GPC6: variants seen among roughly 807,000 people sequenced by gnomAD.
GPC6 encodes glypican 6.
A neutral mutation model predicts 55.2 loss-of-function variants in GPC6; 14 were observed. The ratio of observed to expected loss-of-function variants is 0.25; its 90% CI spans 0.17 to 0.40. The LOEUF is 0.40. GPC6 is among the 10% of genes least tolerant of loss of function. The pLI is 1.00. For missense variants in GPC6, 641 were observed against 708.5 expected (o/e 0.90, Z 1.08); for synonymous variants, 278 against 259.6 (o/e 1.07, Z -0.68).
intron 2 of GPC6, among the ~76,000 whole-genome samples, chr13:93,741,777 T>G (rs1884211216): frequency 6.6e-6 from 1 of 152,180 alleles, no homozygotes; most frequent in South Asian, 2.1e-4. Context: ...TAAATAGTGT[T>G]AGCATGACCT....
chr13:93,550,682 A>G (rs1459691086), intron 2 of GPC6, among the ~76,000 whole-genome samples: 1 of 152,092 alleles, frequency 6.6e-6, no homozygotes, highest in Admixed American at 6.6e-5. Context: ...TTTTTAATAT[A>G]TGGCCTAATT....
chr13:94,003,480 G>T (rs1194867076), intron 3 of GPC6, among the ~76,000 whole-genome samples: 1 of 152,144 alleles, frequency 6.6e-6, no homozygotes, highest in Non-Finnish European at 1.5e-5. Flanking sequence ...AGGTGTCTTT[G>T]ATTGGGATAA....
At chr13:93,726,528 G>A (rs184089884) in intron 2 of GPC6, among the ~76,000 whole-genome samples, 15 of 152,184 alleles carry the variant, frequency 9.9e-5, no homozygotes, top group Admixed American at 4.6e-4. Context: ...GGGTATGTCA[G>A]AGAAAATTTC....
intron 1 of GPC6, among the ~76,000 whole-genome samples, chr13:93,367,091 C>A (rs1456331132): frequency 6.6e-6 from 1 of 151,990 alleles, no homozygotes; most frequent in East Asian, 1.9e-4. Flanking sequence ...TTTATCATCA[C>A]CAAAAAACAT....
intron 2 of GPC6, among the ~76,000 whole-genome samples, chr13:93,656,607 C>A (rs886571117): frequency 9.9e-5 from 15 of 152,090 alleles, no homozygotes; most frequent in African/African-American, 3.4e-4. Flanking sequence ...TTACAAATCA[C>A]ATTGACTTAC....
At chr13:93,886,573 G>T (rs989169554) in intron 3 of GPC6, among the ~76,000 whole-genome samples, 1 of 151,928 alleles carries the variant, frequency 6.6e-6, no homozygotes, top group Admixed American at 6.6e-5. Context: ...CTCTTGTTCT[G>T]AATGATGGCT....
intron 4 of GPC6, among the ~76,000 whole-genome samples, chr13:94,277,549 T>G (rs546738860): frequency 2.6e-5 from 4 of 152,194 alleles, no homozygotes; most frequent in African/African-American, 9.6e-5. Flanking sequence ...TCTTCGGGGG[T>G]TTTTATAGTT....
At chr13:94,380,356 A>G (rs9524469) in intron 6 of GPC6, among the ~76,000 whole-genome samples, 9,330 of 152,264 alleles carry the variant, frequency 0.061, 388 homozygotes, top group Non-Finnish European at 0.092. Context: ...CACGCCTTTA[A>G]TGGAGGTTAG....
chr13:94,208,088 G>T (rs1728383204), intron 4 of GPC6, among the ~76,000 whole-genome samples: 1 of 152,120 alleles, frequency 6.6e-6, no homozygotes, highest in Non-Finnish European at 1.5e-5. Flanking sequence ...ATTACTAGGA[G>T]GACATTCATT....
intron 3 of GPC6, among the ~76,000 whole-genome samples, chr13:93,860,701 A>G (rs1888781707): frequency 6.6e-6 from 1 of 151,650 alleles, no homozygotes; most frequent in South Asian, 2.1e-4. Context: ...GGCATTCCAC[A>G]TTAACTTGTG....
At chr13:94,259,904 A>G (rs932696515) in intron 4 of GPC6, among the ~76,000 whole-genome samples, 1 of 151,994 alleles carries the variant, frequency 6.6e-6, no homozygotes, top group South Asian at 2.1e-4. Flanking sequence ...ACACACACAT[A>G]CACACACACA....
intron 4 of GPC6, among the ~76,000 whole-genome samples, chr13:94,138,723 T>C (rs950743001): frequency 7.2e-5 from 11 of 152,132 alleles, no homozygotes; most frequent in Admixed American, 1.3e-4. Context: ...TTTTATTTTC[T>C]GGAAGGGCTG....
chr13:94,190,269 A>C (rs554080896), intron 4 of GPC6, among the ~76,000 whole-genome samples: 1 of 152,090 alleles, frequency 6.6e-6, no homozygotes, highest in Non-Finnish European at 1.5e-5. Context: ...GCAGTGAACC[A>C]AGATCGTGCC....
At chr13:94,159,726 A>G (rs1888087567) in intron 4 of GPC6, among the ~76,000 whole-genome samples, 1 of 152,210 alleles carries the variant, frequency 6.6e-6, no homozygotes, top group Non-Finnish European at 1.5e-5. Flanking sequence ...TACCCTGCCA[A>G]TATATACTTA....
At chr13:93,846,807 T>C (rs1233294785) in intron 3 of GPC6, among the ~76,000 whole-genome samples, 1 of 152,168 alleles carries the variant, frequency 6.6e-6, no homozygotes, top group East Asian at 1.9e-4. Context: ...GGTGTGTATT[T>C]TGTGCTTATA....
intron 3 of GPC6, among the ~76,000 whole-genome samples, chr13:93,896,306 A>T (rs1165158694): frequency 1.3e-5 from 2 of 152,058 alleles, no homozygotes; most frequent in African/African-American, 4.8e-5. Context: ...TAGAAAAAAA[A>T]TGTTTAAGCC....
intron 3 of GPC6, among the ~76,000 whole-genome samples, chr13:94,004,222 A>G (rs1009304268): frequency 6.6e-6 from 1 of 152,096 alleles, no homozygotes. Context: ...TTTGACATGT[A>G]CTCATGTAGA....
chr13:93,442,157 G>C (rs1168596045), intron 1 of GPC6, among the ~76,000 whole-genome samples: 1 of 152,178 alleles, frequency 6.6e-6, no homozygotes, highest in Admixed American at 6.5e-5. Context: ...TATCCAGCCT[G>C]AGAAGAGTAC....
At chr13:94,383,462 G>A (rs1225932826) in intron 7 of GPC6, among the ~76,000 whole-genome samples, 1 of 152,200 alleles carries the variant, frequency 6.6e-6, no homozygotes, top group African/African-American at 2.4e-5. Context: ...CAGGAGCGGT[G>A]GCTCACGCCT....
Sources: allele counts gnomAD v4.1 joint callset (sites outside exome capture counted in the v4.1 genomes callset), GRCh38; gene constraint gnomAD v4.1.1; transcripts MANE v1.5; gene names NCBI Gene and HGNC (gene_info 2026-07-23, HGNC 2026-07-21).